Variants in TBC1D5 observed in about 807,000 individuals in gnomAD.
The protein encoded by TBC1D5 is TBC1 domain family member 5.
TBC1D5 carries 75 observed loss-of-function variants against 100.3 expected under a neutral mutation model. The observed-to-expected ratio is 0.75, with a 90% CI of 0.62 to 0.91. The LOEUF is 0.91. TBC1D5 is among the 40% of genes least tolerant of loss of function. The probability of loss-of-function intolerance (pLI) is 0.00; values close to 1 mark genes in which losing one functional copy is unlikely to be tolerated. For missense variants in TBC1D5, 910 were observed against 942.4 expected, an observed-to-expected ratio of 0.97 and a Z score of 0.45; for synonymous variants, 323 against 325.6, an observed-to-expected ratio of 0.99 and a Z score of 0.09.
intron 13 of TBC1D5, among the ~76,000 whole-genome samples, chr3:17,342,389 C>T (rs17043422): frequency 0.41 from 62,088 of 151,990 alleles, 13,314 homozygotes; most frequent in Middle Eastern, 0.5. Context: ...CACTCCATTG[C>T]TACACATGCC....
intron 16 of TBC1D5, among the ~76,000 whole-genome samples, chr3:17,242,826 T>C (rs1308372818): frequency 6.6e-6 from 1 of 151,782 alleles, no homozygotes; most frequent in East Asian, 1.9e-4. Flanking sequence ...AATAAACCGA[T>C]ATATATATAT....
At chr3:17,459,792 A>G (rs1391800184) in intron 3 of TBC1D5, among the ~76,000 whole-genome samples, 4 of 152,236 alleles carry the variant, frequency 2.6e-5, no homozygotes, top group African/African-American at 9.6e-5. Flanking sequence ...CTGTTAACAG[A>G]TAACTGAATT....
chr3:17,684,800 CTGA>C (rs2070022017), intron 1 of TBC1D5, among the ~76,000 whole-genome samples: 1 of 151,790 alleles, frequency 6.6e-6, no homozygotes, highest in Non-Finnish European at 1.5e-5. Context: ...TATAAACAGC[CTGA>C]TGTTTTCCCA....
At chr3:17,222,139 C>T (rs973333452) in intron 17 of TBC1D5, among the ~76,000 whole-genome samples, 4 of 152,054 alleles carry the variant, frequency 2.6e-5, no homozygotes, top group African/African-American at 9.7e-5. Context: ...TTTATTCATA[C>T]CTTTACTTAC....
intron 1 of TBC1D5, among the ~76,000 whole-genome samples, chr3:17,654,527 A>G (rs945968139): frequency 1.3e-4 from 20 of 152,172 alleles, no homozygotes; most frequent in Admixed American, 1.2e-3. Flanking sequence ...ATCATGGTGG[A>G]TAAGCTTTTT....
At chr3:17,591,643 C>T (rs543417671) in intron 2 of TBC1D5, among the ~76,000 whole-genome samples, 20 of 152,182 alleles carry the variant, frequency 1.3e-4, no homozygotes, top group African/African-American at 4.6e-4. Flanking sequence ...TCCAGTGGGT[C>T]CCCTGACTCA....
intron 19 of TBC1D5, among the ~76,000 whole-genome samples, chr3:17,177,216 G>A (rs2067864063): frequency 6.6e-6 from 1 of 152,136 alleles, no homozygotes; most frequent in South Asian, 2.1e-4. Context: ...GATGAAAGTT[G>A]GACAGTCTGT....
rs111727940 is a variant in TBC1D5 at position 17,374,917 on chromosome 3, A to T, written c.702-238T>A. ...CGACATGAACTATCTAATTATTCCA[A>T]ATAAATACAGAATTTGACAATATAT... is the stretch of plus-strand genomic sequence containing the variant. On this transcript the variant is annotated intron_variant, in intron 10 of 21. Coordinates refer to ENST00000253692, the Ensembl canonical transcript of TBC1D5. Among the ~76,000 whole-genome samples the T allele has an allele frequency of 1.3e-3, 196 of 152,310 alleles. 1 individual carries two copies. Among genetic ancestry groups the T allele is most frequent in the African/African-American group, 4.4e-3 (181 of 41,586 alleles).
At chr3:17,298,913 C>T (rs2082530573) in intron 14 of TBC1D5, among the ~76,000 whole-genome samples, 1 of 152,068 alleles carries the variant, frequency 6.6e-6, no homozygotes, top group Non-Finnish European at 1.5e-5. Flanking sequence ...TCTGAGACCC[C>T]CAGTGGATAC....
At chr3:17,485,858 G>A (rs573170551) in intron 3 of TBC1D5, among the ~76,000 whole-genome samples, 4 of 152,254 alleles carry the variant, frequency 2.6e-5, no homozygotes, top group Non-Finnish European at 5.9e-5. Context: ...TATATACCCA[G>A]TAATGGGATG....
At chr3:17,209,561 T>A (rs963574673) in intron 18 of TBC1D5, among the ~76,000 whole-genome samples, 12 of 152,226 alleles carry the variant, frequency 7.9e-5, no homozygotes, top group African/African-American at 2.7e-4. Context: ...AAGCACATAG[T>A]TCCCACGCTC....
chr3:17,645,034 G>A (rs1023461769), intron 1 of TBC1D5, among the ~76,000 whole-genome samples: 1 of 152,018 alleles, frequency 6.6e-6, no homozygotes, highest in Admixed American at 6.6e-5. Flanking sequence ...GGGAAGTTGT[G>A]GTAGTCATTT....
At chr3:17,326,297 C>T (rs1471380979) in intron 13 of TBC1D5, among the ~76,000 whole-genome samples, 1 of 152,140 alleles carries the variant, frequency 6.6e-6, no homozygotes, top group African/African-American at 2.4e-5. Flanking sequence ...TTTGGTGGTA[C>T]TTCCATTCTG....
intron 19 of TBC1D5, chr3:17,184,652 T>TGGG (rs2068805056): frequency 6.6e-6 from 1 of 152,128 alleles, no homozygotes; most frequent in South Asian, 2.1e-4. Flanking sequence ...CTCAGCCTCT[T>TGGG]GGGCAGCTGG....
intron 2 of TBC1D5, among the ~76,000 whole-genome samples, chr3:17,549,170 G>A (rs576978927): frequency 7.9e-5 from 12 of 152,168 alleles, no homozygotes; most frequent in East Asian, 3.9e-4. Flanking sequence ...GTGTGGTGGC[G>A]CATGCCTGTA....
chr3:17,271,815 G>C (rs1443459535), intron 15 of TBC1D5, among the ~76,000 whole-genome samples: 3 of 152,056 alleles, frequency 2.0e-5, no homozygotes, highest in Admixed American at 6.6e-5. Flanking sequence ...TATCATGAAA[G>C]GATATTGGAT....
intron 2 of TBC1D5, among the ~76,000 whole-genome samples, chr3:17,530,637 G>C (rs114784870): frequency 0.069 from 10,517 of 152,162 alleles, 711 homozygotes; most frequent in African/African-American, 0.18. Context: ...GGACAAACAT[G>C]ATCCAGTGGG....
chr3:17,390,262 T>C (rs1459952440), intron 8 of TBC1D5, among the ~76,000 whole-genome samples: 1 of 152,056 alleles, frequency 6.6e-6, no homozygotes, highest in Non-Finnish European at 1.5e-5. Context: ...AGGTGCCTGA[T>C]AGTTGGAAAG....
intron 13 of TBC1D5, among the ~76,000 whole-genome samples, chr3:17,331,582 G>C: frequency 6.6e-6 from 1 of 152,176 alleles, no homozygotes; most frequent in East Asian, 1.9e-4. Flanking sequence ...ATGTATCTAT[G>C]CCAGGTGCTG....
Sources: gnomAD v4.1 joint callset for allele counts (sites outside exome capture counted in the v4.1 genomes callset) on GRCh38, gnomAD v4.1.1 for gene constraint, MANE v1.5 for transcripts, NCBI Gene and HGNC (gene_info 2026-07-23, HGNC 2026-07-21) for gene names.